CNTN4: variants seen among roughly 807,000 people sequenced by gnomAD.
The protein encoded by CNTN4 is contactin-4.
A neutral mutation model predicts 122.5 loss-of-function variants in CNTN4; 77 were observed. That is an observed-to-expected ratio of 0.63 (90% CI 0.52 to 0.76). The LOEUF is 0.76. Ranked by LOEUF, CNTN4 falls within the 30% of genes least tolerant of loss-of-function variation. CNTN4 has a pLI of 0.00. For synonymous variants in CNTN4, 512 were observed against 447.0 expected, an observed-to-expected ratio of 1.15 and a Z score of -1.83; for missense variants, 1,256 against 1,259.1, an observed-to-expected ratio of 1.00 and a Z score of 0.04.
At chr3:2,218,438 C>T (rs547972945) in intron 2 of CNTN4, among the ~76,000 whole-genome samples, 3 of 152,052 alleles carry the variant, frequency 2.0e-5, no homozygotes, top group Non-Finnish European at 4.4e-5. Flanking sequence ...GAGGATCCCT[C>T]GAGCCTGGGA....
At chr3:3,025,011 G>C (rs931469759) in intron 14 of CNTN4, among the ~76,000 whole-genome samples, 1 of 152,150 alleles carries the variant, frequency 6.6e-6, no homozygotes, top group African/African-American at 2.4e-5. Context: ...TTAGTATGTA[G>C]AAATTTCTGG....
intron 6 of CNTN4, among the ~76,000 whole-genome samples, chr3:2,811,114 A>G (rs1159750151): frequency 6.6e-6 from 1 of 152,050 alleles, no homozygotes; most frequent in Non-Finnish European, 1.5e-5. Context: ...GACCTAGCAT[A>G]AGATTTTGGT....
intron 14 of CNTN4, among the ~76,000 whole-genome samples, chr3:3,003,877 G>A (rs1696331214): frequency 6.6e-6 from 1 of 151,898 alleles, no homozygotes; most frequent in South Asian, 2.1e-4. Context: ...AGCCCACTAG[G>A]TAGCTGGGAT....
chr3:2,558,316 A>T (rs897905798), intron 3 of CNTN4, among the ~76,000 whole-genome samples: 1 of 152,198 alleles, frequency 6.6e-6, no homozygotes, highest in African/African-American at 2.4e-5. Flanking sequence ...TCCAGGCTGC[A>T]ATCCACAATC....
At chr3:2,316,991 T>G (rs2043125494) in intron 2 of CNTN4, among the ~76,000 whole-genome samples, 1 of 152,322 alleles carries the variant, frequency 6.6e-6, no homozygotes, top group East Asian at 1.9e-4. Flanking sequence ...CCCCATGCCT[T>G]CCTTTCTTTC....
chr3:2,816,318 C>T (rs2092728745), intron 6 of CNTN4, among the ~76,000 whole-genome samples: 1 of 149,854 alleles, frequency 6.7e-6, no homozygotes, highest in African/African-American at 2.5e-5. Flanking sequence ...CGTGGCACTG[C>T]ACTCCAGCCT....
intron 2 of CNTN4, among the ~76,000 whole-genome samples, chr3:2,307,295 C>T (rs1685462): frequency 0.3 from 46,080 of 151,684 alleles, 8,252 homozygotes; most frequent in African/African-American, 0.5. Context: ...TGTAGCCGGG[C>T]GTGGTGGCGG....
chr3:2,377,915 A>C (rs2045881844), intron 3 of CNTN4, among the ~76,000 whole-genome samples: 1 of 152,198 alleles, frequency 6.6e-6, no homozygotes, highest in African/African-American at 2.4e-5. Context: ...AAAGCAGATA[A>C]AATACCAATG....
At chr3:2,110,375 A>G (rs1167319182) in intron 2 of CNTN4, 1 of 152,262 alleles carries the variant, frequency 6.6e-6, no homozygotes, top group Non-Finnish European at 1.5e-5. Flanking sequence ...AATGAACCGT[A>G]TACTACAATC....
At chr3:2,467,810 G>A (rs2075556592) in intron 3 of CNTN4, among the ~76,000 whole-genome samples, 1 of 152,202 alleles carries the variant, frequency 6.6e-6, no homozygotes, top group African/African-American at 2.4e-5. Context: ...GCAGTGTCCT[G>A]GTCCCTCCTG....
intron 3 of CNTN4, among the ~76,000 whole-genome samples, chr3:2,510,805 AC>A (rs2076865769): frequency 6.6e-6 from 1 of 152,024 alleles, no homozygotes; most frequent in South Asian, 2.1e-4. Context: ...CTGGTTTATA[AC>A]CCCTGACTGC....
rs150388998 is a variant in CNTN4 at position 2,970,391 on chromosome 3, G to T, written c.1359-17954G>T. Among the ~76,000 whole-genome samples the T allele has an allele frequency of 3.3e-5, 5 of 152,220 alleles. No homozygotes were observed. The East Asian group carries it at 9.7e-4, about 29-fold the overall frequency. ...GGATTATAGGCATGAGCCACTGCACGTGGACTAATAGGCTACTATTGACTA... is the reference window on the plus strand; with the variant it reads ...GGATTATAGGCATGAGCCACTGCACTTGGACTAATAGGCTACTATTGACTA... On this transcript the variant is annotated intron_variant, in intron 13 of 24. Transcript: ENST00000418658.
chr3:2,378,774 G>A (rs918024768), intron 3 of CNTN4, among the ~76,000 whole-genome samples: 1 of 152,022 alleles, frequency 6.6e-6, no homozygotes, highest in Non-Finnish European at 1.5e-5. Context: ...TAATCTGGTG[G>A]TAGCATTATT....
chr3:2,639,081 GA>G (rs1223894466), intron 4 of CNTN4, among the ~76,000 whole-genome samples: 5 of 151,996 alleles, frequency 3.3e-5, no homozygotes, highest in Non-Finnish European at 7.4e-5. Flanking sequence ...ACAGCTATCC[GA>G]GTGATTCTTT....
At chr3:2,685,839 T>C (rs1914009) in intron 4 of CNTN4, among the ~76,000 whole-genome samples, 73,229 of 151,802 alleles carry the variant, frequency 0.48, 20,326 homozygotes, top group Middle Eastern at 0.62. Flanking sequence ...TTTACATTAG[T>C]GGACTTTTTG....
chr3:2,187,450 A>G (rs1230808774), intron 2 of CNTN4, among the ~76,000 whole-genome samples: 1 of 151,980 alleles, frequency 6.6e-6, no homozygotes, highest in African/African-American at 2.4e-5. Context: ...AGGCAGCTCT[A>G]ATTTCACCTC....
intron 3 of CNTN4, among the ~76,000 whole-genome samples, chr3:2,448,411 C>T (rs1029137707): frequency 7.2e-5 from 11 of 152,250 alleles, no homozygotes; most frequent in African/African-American, 2.4e-4. Flanking sequence ...ACACTATTCT[C>T]GACTGTTGGA....
intron 2 of CNTN4, among the ~76,000 whole-genome samples, chr3:2,202,816 A>G (rs893445476): frequency 1.3e-5 from 2 of 151,582 alleles, no homozygotes; most frequent in Non-Finnish European, 2.9e-5. Context: ...TGTTTTTTGT[A>G]ACAATTACAT....
At chr3:2,871,587 T>C (rs934166118) in intron 8 of CNTN4, among the ~76,000 whole-genome samples, 1 of 152,154 alleles carries the variant, frequency 6.6e-6, no homozygotes, top group Non-Finnish European at 1.5e-5. Flanking sequence ...TTGGACCTAA[T>C]AGGCACTTAG....
Sources: gnomAD v4.1 joint callset for allele counts (sites outside exome capture counted in the v4.1 genomes callset) on GRCh38, gnomAD v4.1.1 for gene constraint, MANE v1.5 for transcripts, NCBI Gene and HGNC (gene_info 2026-07-23, HGNC 2026-07-21) for gene names.